CNTN4: variants seen among roughly 807,000 people sequenced by gnomAD.
CNTN4 encodes the protein contactin 4.
Under a neutral mutation model 122.5 loss-of-function variants are expected in CNTN4, and 77 were observed. The observed-to-expected ratio is 0.63, with a 90% CI of 0.52 to 0.76. The LOEUF (loss-of-function observed/expected upper bound fraction) is 0.76, where lower values mean the gene tolerates loss of function less well. CNTN4 is among the 30% of genes least tolerant of loss of function. CNTN4 has a pLI of 0.00. For missense variants in CNTN4, 1,256 were observed against 1,259.1 expected, an observed-to-expected ratio of 1.00 and a Z score of 0.04; for synonymous variants, 512 against 447.0, an observed-to-expected ratio of 1.15 and a Z score of -1.83.
chr3:3,031,938 C>T (rs1328938325), intron 16 of CNTN4, among the ~76,000 whole-genome samples: 2 of 152,162 alleles, frequency 1.3e-5, no homozygotes, highest in African/African-American at 4.8e-5. Context: ...AATCTGCATG[C>T]ACAGAGAACA....
intron 6 of CNTN4, among the ~76,000 whole-genome samples, chr3:2,758,357 G>A (rs1050033769): frequency 6.6e-6 from 1 of 151,960 alleles, no homozygotes; most frequent in Non-Finnish European, 1.5e-5. Flanking sequence ...CAGCCTATGA[G>A]GTTATATTTC....
At chr3:2,550,607 C>A (rs1233967756) in intron 3 of CNTN4, among the ~76,000 whole-genome samples, 1 of 152,094 alleles carries the variant, frequency 6.6e-6, no homozygotes, top group Non-Finnish European at 1.5e-5. Flanking sequence ...TGGGTATATA[C>A]CCAAAGGATT....
chr3:2,583,492 T>C (rs2080040700), intron 4 of CNTN4, among the ~76,000 whole-genome samples: 3 of 152,256 alleles, frequency 2.0e-5, no homozygotes, highest in African/African-American at 7.2e-5. Flanking sequence ...TTATAACATG[T>C]CTAAGCTCTA....
At chr3:2,420,870 G>A (rs2047589844) in intron 3 of CNTN4, among the ~76,000 whole-genome samples, 1 of 152,102 alleles carries the variant, frequency 6.6e-6, no homozygotes, top group Admixed American at 6.6e-5. Flanking sequence ...CAGTAAAATG[G>A]CATAGCACTG....
At chr3:2,318,507 G>T (rs1352610601) in intron 2 of CNTN4, among the ~76,000 whole-genome samples, 2 of 152,134 alleles carry the variant, frequency 1.3e-5, no homozygotes. Context: ...AATTAATCAA[G>T]ATGTTTGTAT....
chr3:2,497,987 C>T (rs1461260250), intron 3 of CNTN4, among the ~76,000 whole-genome samples: 2 of 152,014 alleles, frequency 1.3e-5, no homozygotes, highest in African/African-American at 4.8e-5. Flanking sequence ...TCAACTATTA[C>T]TAAAATTAGA....
intron 7 of CNTN4, among the ~76,000 whole-genome samples, chr3:2,840,115 T>C (rs1559563871): frequency 6.6e-6 from 1 of 152,000 alleles, no homozygotes; most frequent in Non-Finnish European, 1.5e-5. Flanking sequence ...CCCAATAACT[T>C]CTCAACAGAT....
At chr3:2,462,544 G>A (rs2151440574) in intron 3 of CNTN4, among the ~76,000 whole-genome samples, 1 of 152,220 alleles carries the variant, frequency 6.6e-6, no homozygotes, top group East Asian at 1.9e-4. Flanking sequence ...GATGTTTCAG[G>A]CGTTTTCTTT....
At chr3:2,821,362 A>G (rs1284656623) in intron 7 of CNTN4, among the ~76,000 whole-genome samples, 1 of 152,230 alleles carries the variant, frequency 6.6e-6, no homozygotes, top group Non-Finnish European at 1.5e-5. Flanking sequence ...AGTGCTTAGC[A>G]TGTGGTATGG....
At chr3:2,517,553 C>A (rs189335956) in intron 3 of CNTN4, among the ~76,000 whole-genome samples, 16 of 152,264 alleles carry the variant, frequency 1.1e-4, no homozygotes, top group Middle Eastern at 6.8e-3. Flanking sequence ...CCATGCAATA[C>A]TGAATGACTT....
chr3:2,109,240 A>T (rs1176244279), intron 2 of CNTN4, among the ~76,000 whole-genome samples: 1 of 152,148 alleles, frequency 6.6e-6, no homozygotes, highest in Non-Finnish European at 1.5e-5. Context: ...ACATATTTTC[A>T]TTATTTTTAT....
rs142489470 is a variant in CNTN4, at chr3:2,249,791, A to G, written c.-144-89387A>G. Among the ~76,000 whole-genome samples the G allele has an allele frequency of 3.2e-4, 49 of 152,076 alleles. No individual in the cohort carries two copies. The East Asian group carries it at 4.1e-3, about 13-fold the overall frequency. On this transcript the variant is annotated intron_variant, in intron 2 of 24. Coordinates refer to ENST00000418658, the MANE Select transcript of CNTN4 (RefSeq NM_175607.3). ...GGCTTTAGTTTTCAGTCCTAGTACCACAATGCCCCTTGCCATAGACCTTTT... is the reference window on the plus strand; with the variant it reads ...GGCTTTAGTTTTCAGTCCTAGTACCGCAATGCCCCTTGCCATAGACCTTTT...
chr3:2,996,731 A>G (rs1221696221), intron 14 of CNTN4, among the ~76,000 whole-genome samples: 2 of 152,186 alleles, frequency 1.3e-5, no homozygotes, highest in Non-Finnish European at 2.9e-5. Context: ...GCTTGCATTG[A>G]AAACCTCACA....
chr3:2,149,386 C>T (rs1043328339), intron 2 of CNTN4, among the ~76,000 whole-genome samples: 8 of 152,194 alleles, frequency 5.3e-5, no homozygotes, highest in African/African-American at 1.4e-4. Flanking sequence ...TAGAGGGATA[C>T]GTTGAGAAAT....
intron 2 of CNTN4, among the ~76,000 whole-genome samples, chr3:2,182,187 G>A (rs2037044595): frequency 6.6e-6 from 1 of 152,018 alleles, no homozygotes; most frequent in South Asian, 2.1e-4. Flanking sequence ...GACAGTGATA[G>A]CCATTTGTAG....
At position 2,196,135 on chromosome 3, in the gene CNTN4, T is replaced by A. The variant is rs73099907; in HGVS notation, c.-145+95496T>A. ...ACAAAGCTGTTATGTCATCTCCTAATTATATTCTGTAAAGGGAACAGGCTG... is the reference window on the plus strand; with the variant it reads ...ACAAAGCTGTTATGTCATCTCCTAAATATATTCTGTAAAGGGAACAGGCTG... On this transcript the variant is annotated intron_variant, in intron 2 of 24. Transcript: ENST00000418658. 1.8e-3 allele frequency among the ~76,000 whole-genome samples: 278 copies of A among 152,316 alleles called. 2 individuals are homozygous for A. Among genetic ancestry groups the A allele is most frequent in the African/African-American group, 6.4e-3 (266 of 41,570 alleles).
chr3:2,843,732 G>A (rs1298491618), intron 7 of CNTN4, among the ~76,000 whole-genome samples: 1 of 152,136 alleles, frequency 6.6e-6, no homozygotes, highest in African/African-American at 2.4e-5. Flanking sequence ...AAAGCTTCCT[G>A]AGGCCTCCCC....
chr3:2,437,399 G>A (rs1281053096), intron 3 of CNTN4, among the ~76,000 whole-genome samples: 2 of 152,042 alleles, frequency 1.3e-5, no homozygotes, highest in South Asian at 2.1e-4. Flanking sequence ...GCCATGTGAT[G>A]AATGACAGAT....
At chr3:2,742,933 ACT>A (rs2089540091) in intron 5 of CNTN4, among the ~76,000 whole-genome samples, 1 of 152,140 alleles carries the variant, frequency 6.6e-6, no homozygotes, top group Non-Finnish European at 1.5e-5. Flanking sequence ...TGTAATAGAG[ACT>A]CAACTGCATT....
Sources: gnomAD v4.1 joint callset for allele counts (sites outside exome capture counted in the v4.1 genomes callset) on GRCh38, gnomAD v4.1.1 for gene constraint, MANE v1.5 for transcripts, NCBI Gene and HGNC (gene_info 2026-07-23, HGNC 2026-07-21) for gene names.